The following PDK1 variants were observed in gnomAD, a reference collection of about 807,000 sequenced individuals.
PDK1 encodes the protein [Pyruvate dehydrogenase (acetyl-transferring)] kinase isozyme 1, mitochondrial.
Under a neutral mutation model 54.2 loss-of-function variants are expected in PDK1, and 39 were observed. That is an observed-to-expected ratio of 0.72 (90% CI 0.56 to 0.94). The LOEUF (loss-of-function observed/expected upper bound fraction) is 0.94, where lower values mean the gene tolerates loss of function less well. PDK1 is among the 40% of genes least tolerant of loss of function. PDK1 has a pLI of 0.00. For synonymous variants in PDK1, 221 were observed against 207.1 expected (o/e 1.07, Z -0.58); for missense variants, 552 against 566.0 (o/e 0.98, Z 0.25).
the PDK1 span, among the ~76,000 whole-genome samples, chr2:172,664,286 G>GGACA: frequency 2.0e-5 from 2 of 99,694 alleles, no homozygotes; most frequent in South Asian, 7.3e-4. Context: ...ACTCCAACCT[G>GGACA]GACAACGAGA....
the PDK1 span, among the ~76,000 whole-genome samples, chr2:172,693,571 C>T: frequency 6.6e-6 from 1 of 152,010 alleles, no homozygotes; most frequent in Non-Finnish European, 1.5e-5. Context: ...TTTTTTGTTT[C>T]TATGGCATTA....
At chr2:172,645,045 A>G in the PDK1 span, among the ~76,000 whole-genome samples, 1 of 152,136 alleles carries the variant, frequency 6.6e-6, no homozygotes, top group East Asian at 1.9e-4. Flanking sequence ...AGCTCATACC[A>G]TGGGAGACTC....
rs1691132740 is a variant in PDK1, at chr2:172,602,002, C to T, written c.*6033C>T. ...AGATTTTGACAATTTAAATCAACCA[C>T]TAAGGAAGTGGAATCAGTAATCACA... On this transcript the variant is annotated 3_prime_UTR_variant, in exon 11 of 11. Transcript: ENST00000282077. 6.6e-6 allele frequency: 1 copy of T among 152,066 alleles called. No individual in the cohort carries two copies. The allele number at this position is 152,066 out of a possible 1,614,324, so 9.4% of individuals were successfully genotyped here. A position where few individuals can be genotyped will look rare whatever the true frequency, so the allele number is the denominator to read the frequency against.
intron 9 of PDK1, among the ~76,000 whole-genome samples, chr2:172,588,695 T>C (rs1690398699): frequency 6.6e-6 from 1 of 152,198 alleles, no homozygotes; most frequent in East Asian, 1.9e-4. Context: ...GGCAGTAGGG[T>C]AGCTGGAGAA....
chr2:172,565,255 ATTAT>A (rs1187261509), intron 5 of PDK1, among the ~76,000 whole-genome samples, 182 bp downstream of exon 5: 1 of 152,186 alleles, frequency 6.6e-6, no homozygotes, highest in Non-Finnish European at 1.5e-5. Flanking sequence ...TATTGATAGA[ATTAT>A]TTGTTAGGCA....
chr2:172,574,762 T>C lies in PDK1; in HGVS notation c.945+3938T>C, dbSNP rs542087223. The stretch of plus-strand genomic sequence containing the variant: ...GATAGGAATATAACTGATTTTTTTG[T>C]ACTGATCTTGTATCCTGCATCCTTG... On this transcript the variant is annotated intron_variant, in intron 8 of 10. Coordinates refer to ENST00000282077, the MANE Select transcript of PDK1 (RefSeq NM_002610.5). Among the ~76,000 whole-genome samples the C allele has an allele frequency of 2.0e-5, 3 of 152,336 alleles. No homozygotes were observed. In the East Asian group the frequency reaches 5.8e-4, roughly 29 times the overall value.
chr2:172,584,372 G>GT (rs149706116), intron 8 of PDK1, among the ~76,000 whole-genome samples: 1,607 of 139,260 alleles, frequency 0.012, 31 homozygotes, highest in African/African-American at 0.036. Flanking sequence ...CTTTGTAACT[G>GT]TTTTTTTTTT....
At chr2:172,684,623 G>A in the PDK1 span, among the ~76,000 whole-genome samples, 1 of 152,230 alleles carries the variant, frequency 6.6e-6, no homozygotes, top group Non-Finnish European at 1.5e-5. Flanking sequence ...TCAAGGGGCT[G>A]ACTCTGAATA....
In PDK1 at chr2:172,604,092, G is replaced by T. The variant is rs13032692; in HGVS notation, c.*8123G>T. 2.0e-5 allele frequency: 3 copies of T among 151,988 alleles called. No homozygotes were observed. Among genetic ancestry groups the T allele is most frequent in the African/African-American group, 2.4e-5 (1 of 41,348 alleles). 9.4% of individuals were successfully genotyped at this position (151,988 alleles called of 1,614,324 possible). ...CATGGCGTATATCTTTTTTGGCGGG[G>T]GGTGAGGACAGAGTCTTGCTCTGAG... On this transcript the variant is annotated 3_prime_UTR_variant, in exon 11 of 11. Transcript: ENST00000282077.
Position 172,577,670 on chromosome 2 carries a change from C to G in PDK1, c.945+6846C>G, listed in dbSNP as rs182152410. On this transcript the variant is annotated intron_variant, in intron 8 of 10. Transcript: ENST00000282077. The stretch of plus-strand genomic sequence containing the variant: ...ATTTATAATCTAGTTCAGATTAATA[C>G]CAATTTGCTTTCAATAGTATACACT... Among the ~76,000 whole-genome samples, 282 of 152,072 alleles carry G rather than the reference C, an allele frequency of 1.9e-3. 2 individuals are homozygous for G. The highest frequency in any genetic ancestry group is 6.5e-3 in the African/African-American group (269 of 41,512).
At position 172,585,316 on chromosome 2, in the gene PDK1, A is replaced by ATTTTTTTTTTTT. The variant is rs538241255; in HGVS notation, c.946-946_946-935dup. ...GCCCAGCCTAGTACATGCATTTTTA[A>ATTTTTTTTTTTT]TTTTTTTTTTTTTTTTTTTTTTTTT... On this transcript the variant is annotated intron_variant, in intron 8 of 10. Coordinates refer to ENST00000282077, the MANE Select transcript of PDK1 (RefSeq NM_002610.5). Among the ~76,000 whole-genome samples, 5 of 103,302 alleles carry ATTTTTTTTTTTT rather than the reference A, an allele frequency of 4.8e-5. 1 individual carries two copies. The highest frequency in any genetic ancestry group is 2.7e-4 in the East Asian group (1 of 3,652). 67.8% of individuals were successfully genotyped at this position (103,302 alleles called of 152,430 possible). A position where few individuals can be genotyped will look rare whatever the true frequency, so the allele number is the denominator to read the frequency against.
At position 172,607,034 on chromosome 2, in the gene PDK1, G is replaced by A. The variant is rs980847303; in HGVS notation, c.*11065G>A. ...AAGAGTAAGCCTTTAGAAACAGTTT[G>A]TGTCTAAATTAGCTCTCAGGCATAT... On this transcript the variant is annotated 3_prime_UTR_variant, in exon 11 of 11. Transcript: ENST00000282077. The A allele has an allele frequency of 2.0e-5, 3 of 152,184 alleles. No individual in the cohort carries two copies. Among genetic ancestry groups the A allele is most frequent in the South Asian group, 2.1e-4 (1 of 4,832 alleles). The allele number at this position is 152,184 out of a possible 1,614,324, so 9.4% of individuals were successfully genotyped here.
the PDK1 span, among the ~76,000 whole-genome samples, chr2:172,664,811 C>T: frequency 1.3e-5 from 2 of 152,124 alleles, no homozygotes; most frequent in Admixed American, 1.3e-4. Flanking sequence ...TGAGTCTATT[C>T]TGTTAACTTT....
intron 2 of PDK1, among the ~76,000 whole-genome samples, chr2:172,561,345 A>G (rs1167105276): frequency 6.6e-6 from 1 of 152,254 alleles, no homozygotes; most frequent in Non-Finnish European, 1.5e-5. Flanking sequence ...AGAATCCCTT[A>G]ACTTTGGAAT....
At chr2:172,593,295 A>C (rs897045407) in intron 10 of PDK1, among the ~76,000 whole-genome samples, 1 of 152,210 alleles carries the variant, frequency 6.6e-6, no homozygotes, top group Non-Finnish European at 1.5e-5. Flanking sequence ...GTAGAGAATC[A>C]TAAGTTATAT....
chr2:172,649,345 G>A, the PDK1 span, among the ~76,000 whole-genome samples: 1 of 152,152 alleles, frequency 6.6e-6, no homozygotes, highest in Non-Finnish European at 1.5e-5. Context: ...CATCATCAAA[G>A]ACCAAAGGTA....
intron 5 of PDK1, among the ~76,000 whole-genome samples, chr2:172,566,458 G>A (rs1450266575): frequency 6.6e-6 from 1 of 152,134 alleles, no homozygotes; most frequent in Non-Finnish European, 1.5e-5. Context: ...TTGGGAGGCT[G>A]AGGCAGGAGA....
rs1250131545 is a variant in PDK1, at chr2:172,601,526, T to A, written c.*5557T>A. On this transcript the variant is annotated 3_prime_UTR_variant, in exon 11 of 11. Coordinates refer to ENST00000282077, the MANE Select transcript of PDK1 (RefSeq NM_002610.5). ...GGTTTTATAAGTATTTGGTAGTTCC[T>A]CCTGCATTCATTCTTCCTGCTGCCC... The A allele has an allele frequency of 4.6e-5, 7 of 152,256 alleles. No individual in the cohort carries two copies. Among genetic ancestry groups the A allele is most frequent in the Non-Finnish European group, 7.3e-5 (5 of 68,056 alleles). The allele number at this position is 152,256 out of a possible 1,614,324, so 9.4% of individuals were successfully genotyped here.
chr2:172,638,653 G>A, the PDK1 span, among the ~76,000 whole-genome samples: 1 of 141,550 alleles, frequency 7.1e-6, no homozygotes, highest in Non-Finnish European at 1.6e-5. Flanking sequence ...TTTCTGTCTA[G>A]CTAAAGGATT....
Sources: gnomAD v4.1 joint callset for allele counts (sites outside exome capture counted in the v4.1 genomes callset) on GRCh38, gnomAD v4.1.1 for gene constraint, MANE v1.5 for transcripts, NCBI Gene and HGNC (gene_info 2026-07-23, HGNC 2026-07-21) for gene names.